The following TMCO4 variants were observed in gnomAD, a reference collection of about 807,000 sequenced individuals.
The protein encoded by TMCO4 is transmembrane and coiled-coil domain-containing protein 4.
In TMCO4, 58 loss-of-function variants were observed where a neutral mutation model predicts 64.7. The ratio of observed to expected loss-of-function variants is 0.90; its 90% CI spans 0.73 to 1.12. TMCO4 has a LOEUF of 1.12. Among genes scored for constraint, TMCO4 ranks in the 50% most tolerant of loss-of-function variants. The pLI is 0.00. For synonymous variants in TMCO4, 325 were observed against 346.1 expected (o/e 0.94, Z 0.68); for missense variants, 780 against 825.9 (o/e 0.94, Z 0.68).
chr1:19,768,162 TG>T (rs1464644547), intron 6 of TMCO4, among the ~76,000 whole-genome samples: 1 of 150,512 alleles, frequency 6.6e-6, no homozygotes, highest in Non-Finnish European at 1.5e-5. Context: ...GTCTGCAAGA[TG>T]GGGGCAATGG....
In TMCO4 at chr1:19,732,996, T is replaced by C. The variant is rs918809996; in HGVS notation, c.1264+4376A>G. ...TAGAAGTTTTCTAGGCCGGGCACGG[T>C]GGCTCACGCCTGTAATGCCAGCACT... On this transcript the variant is annotated intron_variant, in intron 13 of 15. Coordinates refer to ENST00000294543, the MANE Select transcript of TMCO4 (RefSeq NM_181719.7). The surrounding 1 kb of genome is among the most constrained non-coding windows in gnomAD (Gnocchi z 4.8). Among the ~76,000 whole-genome samples the C allele has an allele frequency of 6.6e-6, 1 of 152,194 alleles. No individual in the cohort carries two copies. The highest frequency in any genetic ancestry group is 2.4e-5 in the African/African-American group (1 of 41,460).
intron 12 of TMCO4, among the ~76,000 whole-genome samples, chr1:19,739,310 G>C (rs2095469079): frequency 6.6e-6 from 1 of 152,126 alleles, no homozygotes. Flanking sequence ...CATTTTACAT[G>C]GTATTTAGAC....
chr1:19,790,996 A>C (rs1365273174), intron 2 of TMCO4, among the ~76,000 whole-genome samples: 2 of 152,238 alleles, frequency 1.3e-5, no homozygotes, highest in Non-Finnish European at 2.9e-5. Flanking sequence ...GAATGAGATC[A>C]TATCCTTTGC....
intron 3 of TMCO4, among the ~76,000 whole-genome samples, chr1:19,783,434 G>A (rs1228883669): frequency 6.6e-6 from 1 of 152,170 alleles, no homozygotes; most frequent in Non-Finnish European, 1.5e-5. Context: ...ATCTAGCTGA[G>A]CAATAAAAAT....
intron 6 of TMCO4, among the ~76,000 whole-genome samples, chr1:19,760,875 C>A (rs920975859): frequency 3.3e-5 from 5 of 152,234 alleles, no homozygotes; most frequent in Admixed American, 3.3e-4. Flanking sequence ...GAATGAATGA[C>A]TGAGTGGCTG....
In TMCO4 at chr1:19,777,026, CAAAA is replaced by C. The variant is rs59722797; in HGVS notation, c.179+3550_179+3553del. Among the ~76,000 whole-genome samples, 26 of 82,774 alleles carry C rather than the reference CAAAA, an allele frequency of 3.1e-4. No individual in the cohort carries two copies. The South Asian group carries it at 9.2e-3, about 29-fold the overall frequency. The allele number at this position is 82,774 out of a possible 152,430, so 54.3% of individuals were successfully genotyped here. A position where few individuals can be genotyped will look rare whatever the true frequency, so the allele number is the denominator to read the frequency against. On this transcript the variant is annotated intron_variant, in intron 4 of 15. Coordinates refer to ENST00000294543, the MANE Select transcript of TMCO4 (RefSeq NM_181719.7). ...TGGGCCACAGAACGAGACACTGTCTCAAAAAAAAAAAAAAAAAAAAAAAGAAAAG... is the reference window on the plus strand; with the variant it reads ...TGGGCCACAGAACGAGACACTGTCTCAAAAAAAAAAAAAAAAAAAGAAAAG...
Position 19,694,451 on chromosome 1 carries a change from C to T in TMCO4, c.1483G>A (p.Val495Met), listed in dbSNP as rs2095221191. 5.0e-6 allele frequency: 8 copies of T among 1,613,910 alleles called. 1 individual carries two copies. Among genetic ancestry groups the T allele is most frequent in the African/African-American group, 2.7e-5 (2 of 74,946 alleles). ...VLLQDRRVEN[V>M]DLTSVVSGHL... is the part of the protein sequence containing the mutation. ...ACACTCACCACAGAGGTCAGGTCCA[C>T]GTTCTCCACCCTCCTGTCCTGCAGC... Residue 495 changes from valine to methionine, a missense_variant, in exon 15 of 16, where the codon GTG becomes ATG. Coordinates refer to ENST00000294543, the MANE Select transcript of TMCO4 (RefSeq NM_181719.7).
chr1:19,783,879 T>C (rs905713825), intron 3 of TMCO4, among the ~76,000 whole-genome samples: 1 of 152,222 alleles, frequency 6.6e-6, no homozygotes, highest in Non-Finnish European at 1.5e-5. Context: ...ATGGTTGCTC[T>C]AGGAACCCAC....
intron 13 of TMCO4, among the ~76,000 whole-genome samples, chr1:19,702,073 C>T (rs924617396): frequency 6.6e-6 from 1 of 152,004 alleles, no homozygotes; most frequent in Admixed American, 6.6e-5. Context: ...GGGTTCACAC[C>T]ATTCTCCTGC....
rs554126991 is a variant in TMCO4, at chr1:19,705,795, A to G, written c.1265-4910T>C. On this transcript the variant is annotated intron_variant, in intron 13 of 15. Coordinates refer to ENST00000294543, the MANE Select transcript of TMCO4 (RefSeq NM_181719.7). The stretch of plus-strand genomic sequence containing the variant: ...TGCTGTCATAGCTGCTGGAAAGGAA[A>G]AAAAAAAACAGTCAAAATCCACTGT... Among the ~76,000 whole-genome samples the G allele has an allele frequency of 2.0e-5, 3 of 152,290 alleles. No individual in the cohort carries two copies. The East Asian group carries it at 5.8e-4, about 29-fold the overall frequency.
In TMCO4 at chr1:19,743,330, G is replaced by GT. The variant is rs1453117557; in HGVS notation, c.877+2201dup. 6.6e-6 allele frequency among the ~76,000 whole-genome samples: 1 copy of GT among 152,132 alleles called. No individual in the cohort carries two copies. The highest frequency in any genetic ancestry group is 1.5e-5 in the Non-Finnish European group (1 of 68,022). On this transcript the variant is annotated intron_variant, in intron 10 of 15. Transcript: ENST00000294543. This position sits in a 1 kb window ranked among gnomAD's most constrained non-coding sequence, Gnocchi z 4.1. Reference sequence around the variant, plus strand: ...GAAGGGCTTGGTGGTTGGCTACAAAGTTTTTATCTTTATTGTACATAATCA... The same window carrying GT: ...GAAGGGCTTGGTGGTTGGCTACAAAGTTTTTTATCTTTATTGTACATAATCA...
chr1:19,694,343 G>A lies in TMCO4; in HGVS notation c.1500+91C>T, dbSNP rs114562673. The A allele has an allele frequency of 3.4e-3, 3,861 of 1,119,438 alleles. 82 individuals carry two copies. In the African/African-American group the frequency reaches 0.048, roughly 14 times the overall value. 69.3% of individuals were successfully genotyped at this position (1,119,438 alleles called of 1,614,324 possible). A position where few individuals can be genotyped will look rare whatever the true frequency, so the allele number is the denominator to read the frequency against. The stretch of plus-strand genomic sequence containing the variant: ...GATCTTTCTCCTGTGGCGTGGACCA[G>A]GCTGGGGCCACTGTCTCCAGGGGAC... On this transcript the variant is annotated intron_variant, in intron 15 of 15. Transcript: ENST00000294543.
At chr1:19,792,282 C>G (rs866646084) in intron 2 of TMCO4, among the ~76,000 whole-genome samples, 12 of 152,330 alleles carry the variant, frequency 7.9e-5, no homozygotes, top group Non-Finnish European at 1.2e-4. Context: ...ACAGGGCAAA[C>G]CCATGCCTAC....
chr1:19,795,775 G>A (rs1230248160), intron 2 of TMCO4, among the ~76,000 whole-genome samples: 2 of 152,290 alleles, frequency 1.3e-5, no homozygotes, highest in African/African-American at 2.4e-5. Context: ...TCTCTGGTGT[G>A]GTTTACACCC....
At chr1:19,771,748 C>A (rs971366475) in intron 4 of TMCO4, among the ~76,000 whole-genome samples, 11 of 152,164 alleles carry the variant, frequency 7.2e-5, no homozygotes, top group African/African-American at 2.2e-4. Context: ...CCTCTGCCTC[C>A]CGGGTTCAAG....
In TMCO4 at chr1:19,771,436, A is replaced by G. The variant is rs750306529; in HGVS notation, c.226T>C (p.Leu76=). 5.0e-6 allele frequency: 8 copies of G among 1,613,488 alleles called. No homozygotes were observed. The Admixed American group carries it at 1.0e-4, about 20-fold the overall frequency. The change falls in exon 5 of 16, where the codon TTG becomes CTG. Residue 76 remains leucine (L), a synonymous_variant. Transcript: ENST00000294543. ...ATGGTTGGCAAGACAGCTTCAGACAACTCCAGCCACTGCACCAGGCCTGCC... is the reference window on the plus strand; with the variant it reads ...ATGGTTGGCAAGACAGCTTCAGACAGCTCCAGCCACTGCACCAGGCCTGCC... ...FMAGLVQWLE[L]SEAVLPTMTA...
Position 19,740,698 on chromosome 1 carries a change from C to G in TMCO4, c.1042+79G>C, listed in dbSNP as rs1044289270. ...CGGTGCCTGCCCTGGGGGCTTTGGG[C>G]ATGCAAAACTATGGTACCACTGTGT... On this transcript the variant is annotated intron_variant, in intron 11 of 15. Coordinates refer to ENST00000294543, the MANE Select transcript of TMCO4 (RefSeq NM_181719.7). 1.2e-5 allele frequency: 18 copies of G among 1,491,814 alleles called. No individual in the cohort carries two copies. The African/African-American group carries it at 2.5e-4, about 21-fold the overall frequency. The allele number at this position is 1,491,814 out of a possible 1,614,324, so 92.4% of individuals were successfully genotyped here. A position where few individuals can be genotyped will look rare whatever the true frequency, so the allele number is the denominator to read the frequency against.
chr1:19,728,685 C>T (rs973031876), intron 13 of TMCO4, among the ~76,000 whole-genome samples: 5 of 152,222 alleles, frequency 3.3e-5, no homozygotes, highest in African/African-American at 7.2e-5. Flanking sequence ...TTCCTACCTC[C>T]GTCTGCATGA....
chr1:19,770,124 G>A (rs2042919205), intron 6 of TMCO4, among the ~76,000 whole-genome samples: 1 of 152,224 alleles, frequency 6.6e-6, no homozygotes, highest in African/African-American at 2.4e-5. Context: ...CAGGGAGGTG[G>A]CGTGGTCAGG....
Sources: gnomAD v4.1 joint callset for allele counts (sites outside exome capture counted in the v4.1 genomes callset) on GRCh38, gnomAD v4.1.1 for gene constraint, Gnocchi (gnomAD v3.1) non-coding constraint, MANE v1.5 for transcripts, NCBI Gene and HGNC (gene_info 2026-07-23, HGNC 2026-07-21) for gene names.